PACS1: variants seen among roughly 807,000 people sequenced by gnomAD.
The protein encoded by PACS1 is PACS-1.
Under a neutral mutation model 115.0 loss-of-function variants are expected in PACS1, and 24 were observed. The ratio of observed to expected loss-of-function variants is 0.21; its 90% CI spans 0.15 to 0.29. The LOEUF is 0.29. Ranked by LOEUF, PACS1 falls within the 10% of genes least tolerant of loss-of-function variation. PACS1 has a pLI of 1.00. For missense variants in PACS1, 838 were observed against 1,251.2 expected, an observed-to-expected ratio of 0.67 and a Z score of 4.98; for synonymous variants, 453 against 504.5, an observed-to-expected ratio of 0.90 and a Z score of 1.37.
intron 16 of PACS1, 72 bp from the exon 17 acceptor site, chr11:66,234,060 G>A (rs2134741151): frequency 6.5e-7 from 1 of 1,529,338 alleles, no homozygotes; most frequent in East Asian, 2.3e-5. Flanking sequence ...CCAAGGCCGT[G>A]GCCAGGGACA....
chr11:66,215,533 G>A (rs1038761120), intron 4 of PACS1, among the ~76,000 whole-genome samples: 1 of 151,966 alleles, frequency 6.6e-6, no homozygotes, highest in African/African-American at 2.4e-5. Context: ...CTGGGAGGTC[G>A]AGACTGTAGT....
chr11:66,144,327 G>A (rs1039127924), intron 1 of PACS1, among the ~76,000 whole-genome samples: 1 of 152,172 alleles, frequency 6.6e-6, no homozygotes, highest in Non-Finnish European at 1.5e-5. Context: ...ATAACAAAAA[G>A]GAAATGTATC....
intron 4 of PACS1, among the ~76,000 whole-genome samples, 178 bp from the exon 5 acceptor site, chr11:66,215,941 T>A (rs1565150593): frequency 6.8e-6 from 1 of 147,146 alleles, no homozygotes; most frequent in African/African-American, 2.5e-5. Context: ...ATAATAATAA[T>A]AATAATAATA....
chr11:66,159,378 C>T (rs978100358), intron 1 of PACS1, among the ~76,000 whole-genome samples: 5 of 151,904 alleles, frequency 3.3e-5, no homozygotes, highest in South Asian at 4.2e-4. Flanking sequence ...CGGAGGTTGC[C>T]GTGACCCAAG....
At chr11:66,221,283 C>T (rs371299599) in intron 10 of PACS1, 36 bp downstream of exon 10, 7 of 1,568,142 alleles carry the variant, frequency 4.5e-6, no homozygotes, top group African/African-American at 2.7e-5. Context: ...GGGGTGGGAC[C>T]GTGGCATGTC....
chr11:66,241,662 C>A lies in PACS1; in HGVS notation c.2656+9C>A, dbSNP rs1252685003. On this transcript the variant is annotated intron_variant, in intron 22 of 23. Transcript: ENST00000320580. ...AGAAAAGAACAAGAAAGGTAAGTAC[C>A]CCCAAGGCCGGGGAAGACCATGGGC... is the stretch of plus-strand genomic sequence containing the variant. The A allele has an allele frequency of 2.5e-6, 4 of 1,604,786 alleles. No individual in the cohort carries two copies. The highest frequency in any genetic ancestry group is 3.4e-6 in the Non-Finnish European group (4 of 1,172,296).
At chr11:66,106,155 C>G (rs914943507) in intron 1 of PACS1, among the ~76,000 whole-genome samples, 2 of 152,186 alleles carry the variant, frequency 1.3e-5, no homozygotes, top group Non-Finnish European at 2.9e-5. Flanking sequence ...TGAGGCCCAC[C>G]GCTGTGGCTC....
At chr11:66,152,543 A>G (rs2134610496) in intron 1 of PACS1, among the ~76,000 whole-genome samples, 1 of 152,362 alleles carries the variant, frequency 6.6e-6, no homozygotes, top group East Asian at 1.9e-4. Flanking sequence ...CTGAGCACAA[A>G]GGAAAAGCAC....
chr11:66,082,073 C>T (rs1441343757), intron 1 of PACS1, among the ~76,000 whole-genome samples: 1 of 152,052 alleles, frequency 6.6e-6, no homozygotes, highest in African/African-American at 2.4e-5. Flanking sequence ...TTACTTGTTT[C>T]TGGTTCTTCT....
chr11:66,205,024 G>A (rs756186639), intron 2 of PACS1, among the ~76,000 whole-genome samples: 8 of 149,906 alleles, frequency 5.3e-5, no homozygotes, highest in African/African-American at 9.8e-5. Context: ...CACTCTTGTT[G>A]CCTAGGCTGC....
intron 1 of PACS1, among the ~76,000 whole-genome samples, chr11:66,116,046 G>T (rs1475940864): frequency 2.6e-5 from 4 of 152,194 alleles, no homozygotes; most frequent in Admixed American, 2.0e-4. Flanking sequence ...AATTGCCTTG[G>T]CAAGAAGTTG....
intron 1 of PACS1, among the ~76,000 whole-genome samples, chr11:66,096,867 T>G (rs7946447): frequency 6.9e-6 from 1 of 144,198 alleles, no homozygotes; most frequent in Non-Finnish European, 1.5e-5. Context: ...CTCTCTCTCT[T>G]TTTTTTTTTT....
At chr11:66,234,270 C>T (rs560621552) in intron 17 of PACS1, 28 bp downstream of exon 17, 17 of 1,511,206 alleles carry the variant, frequency 1.1e-5, no homozygotes, top group Non-Finnish European at 1.5e-5. Context: ...GGAGCTTACT[C>T]CCACCCCCGG....
At chr11:66,145,383 G>C (rs527403931) in intron 1 of PACS1, among the ~76,000 whole-genome samples, 1 of 152,122 alleles carries the variant, frequency 6.6e-6, no homozygotes, top group South Asian at 2.1e-4. Flanking sequence ...GCCCCTGTCC[G>C]GTGGCATTGA....
At chr11:66,173,121 C>T (rs1356581950) in intron 1 of PACS1, among the ~76,000 whole-genome samples, 2 of 143,278 alleles carry the variant, frequency 1.4e-5, no homozygotes, top group Non-Finnish European at 1.5e-5. Flanking sequence ...TTTGTAGAGA[C>T]AGGGTCCTGC....
chr11:66,139,188 A>C (rs965966439), intron 1 of PACS1, among the ~76,000 whole-genome samples: 1 of 152,076 alleles, frequency 6.6e-6, no homozygotes, highest in Non-Finnish European at 1.5e-5. Flanking sequence ...GAAATATATA[A>C]ATTTTTAATT....
intron 1 of PACS1, among the ~76,000 whole-genome samples, chr11:66,078,603 G>A (rs1006314447): frequency 1.3e-5 from 2 of 152,220 alleles, no homozygotes; most frequent in African/African-American, 4.8e-5. Flanking sequence ...AAACTGGAAT[G>A]CAGTGGCATG....
intron 1 of PACS1, among the ~76,000 whole-genome samples, chr11:66,096,883 G>A (rs1288668788): frequency 1.5e-5 from 2 of 136,538 alleles, no homozygotes; most frequent in Admixed American, 7.5e-5. Flanking sequence ...TTTTTTTAAT[G>A]TAGAGACAGT....
intron 2 of PACS1, among the ~76,000 whole-genome samples, chr11:66,195,437 T>C (rs1210755644): frequency 6.6e-6 from 1 of 152,188 alleles, no homozygotes; most frequent in Non-Finnish European, 1.5e-5. Context: ...TCACAGGCAG[T>C]GTTCCCGTTT....
Sources: allele counts gnomAD v4.1 joint callset (sites outside exome capture counted in the v4.1 genomes callset), GRCh38; gene constraint gnomAD v4.1.1; transcripts MANE v1.5; gene names NCBI Gene and HGNC (gene_info 2026-07-23, HGNC 2026-07-21).